NAALAD2: variants seen among roughly 807,000 people sequenced by gnomAD.
NAALAD2 encodes the protein N-acetylated alpha-linked acidic dipeptidase 2, also known as N-acetylated-alpha-linked acidic dipeptidase 2.
NAALAD2 carries 89 observed loss-of-function variants against 95.6 expected under a neutral mutation model. The ratio of observed to expected loss-of-function variants is 0.93; its 90% CI spans 0.78 to 1.11. The LOEUF (loss-of-function observed/expected upper bound fraction) is 1.11, where lower values mean the gene tolerates loss of function less well. Ranked by LOEUF, NAALAD2 falls within the 50% of genes least tolerant of loss-of-function variation. The pLI is 0.00. For synonymous variants in NAALAD2, 264 were observed against 294.4 expected (o/e 0.90, Z 1.06); for missense variants, 894 against 872.4 (o/e 1.02, Z -0.31).
intron 2 of NAALAD2, among the ~76,000 whole-genome samples, chr11:90,136,158 C>T (rs1951449962): frequency 6.6e-6 from 1 of 152,042 alleles, no homozygotes; most frequent in African/African-American, 2.4e-5. Context: ...GAATCATTGC[C>T]ATTCCTCCAG....
intron 2 of NAALAD2, among the ~76,000 whole-genome samples, chr11:90,146,064 A>G (rs1047471024): frequency 6.6e-6 from 1 of 152,102 alleles, no homozygotes; most frequent in African/African-American, 2.4e-5. Context: ...TTTGGATTCC[A>G]GTTCCAGCAT....
At chr11:90,179,934 T>C (rs974907747) in intron 16 of NAALAD2, among the ~76,000 whole-genome samples, 1 of 152,174 alleles carries the variant, frequency 6.6e-6, no homozygotes, top group Non-Finnish European at 1.5e-5. Context: ...ATTATTCTTA[T>C]AGCTTTTCTA....
rs1487766511 is a variant in NAALAD2 at position 90,134,778 on chromosome 11, G to C, written c.20G>C (p.Arg7Pro). The change falls in exon 1 of 19, where the codon CGT (arginine) becomes CCT (proline). Residue 7 changes from arginine (R) to proline (P), a missense_variant. Arg to Pro is a moderately radical substitution (Grantham distance 103, BLOSUM62 -2). Transcript: ENST00000534061. ...GAAGCCATGGCGGAATCCAGGGGCC[G>C]TCTGTACCTTTGGATGTGCTTGGCT... MAESRGRLYLWMCLAAA... is the reference protein window; with the variant it reads MAESRGPLYLWMCLAAA... The C allele has an allele frequency of 1.1e-5, 17 of 1,613,966 alleles. No individual in the cohort carries two copies. Among genetic ancestry groups the C allele is most frequent in the Middle Eastern group, 1.7e-4 (1 of 6,002 alleles).
chr11:90,159,418 G>T (rs979155731), intron 8 of NAALAD2, 81 bp downstream of exon 8: 37 of 1,012,580 alleles, frequency 3.7e-5, no homozygotes, highest in Admixed American at 8.6e-5. Context: ...TCTGCCAGGG[G>T]TATTTTGCTT....
At chr11:90,152,186 T>C (rs1951905448) in intron 5 of NAALAD2, 112 bp from the exon 6 acceptor site, 3 of 952,316 alleles carry the variant, frequency 3.2e-6, no homozygotes, top group Non-Finnish European at 4.4e-6. Context: ...TGTAATTGTA[T>C]GGTAAAAGGC....
intron 6 of NAALAD2, among the ~76,000 whole-genome samples, chr11:90,155,573 T>A (rs796766558): frequency 1.1e-5 from 1 of 87,992 alleles, no homozygotes; most frequent in East Asian, 3.0e-4. Context: ...ATATAATATA[T>A]AATATATATG....
Position 90,159,228 on chromosome 11 carries a change from T to C in NAALAD2, c.891-11T>C, listed in dbSNP as rs764388660. 1.2e-6 allele frequency: 2 copies of C among 1,602,036 alleles called. No homozygotes were observed. Among genetic ancestry groups the C allele is most frequent in the African/African-American group, 1.3e-5 (1 of 74,626 alleles). On this transcript the variant is annotated splice_polypyrimidine_tract_variant and intron_variant, in intron 7 of 18. Coordinates refer to ENST00000534061, the MANE Select transcript of NAALAD2 (RefSeq NM_005467.4). ...TAGCCTTTTTCTGTCACTTTCATTT[T>C]ATTTTGTCAGCTACTTGGGAGGAAT...
At chr11:90,155,849 A>ATAT (rs1565523942) in intron 6 of NAALAD2, among the ~76,000 whole-genome samples, 20 of 141,338 alleles carry the variant, frequency 1.4e-4, no homozygotes, top group Non-Finnish European at 2.4e-4. Context: ...TATATGTTAT[A>ATAT]TATATTATAT....
intron 11 of NAALAD2, among the ~76,000 whole-genome samples, chr11:90,165,055 G>A (rs1391431772): frequency 1.3e-5 from 2 of 152,076 alleles, no homozygotes; most frequent in African/African-American, 4.8e-5. Context: ...CCACTTATAA[G>A]TGAGAACATG....
intron 11 of NAALAD2, among the ~76,000 whole-genome samples, chr11:90,167,434 G>A (rs1020291985): frequency 1.2e-4 from 18 of 152,114 alleles, no homozygotes; most frequent in African/African-American, 3.6e-4. Flanking sequence ...CGCCCCCGCC[G>A]CGGCCGCTGC....
chr11:90,191,829 G>C lies in NAALAD2; in HGVS notation c.*82G>C. The stretch of plus-strand genomic sequence containing the variant: ...ACCTTTCTGATAACTTATGAAGCCA[G>C]GGTGTTCTAAACTCTTTTCATGTCA... On this transcript the variant is annotated 3_prime_UTR_variant, in exon 19 of 19. Coordinates refer to ENST00000534061, the MANE Select transcript of NAALAD2 (RefSeq NM_005467.4). The C allele has an allele frequency of 4.4e-6, 5 of 1,148,572 alleles. No homozygotes were observed. The highest frequency in any genetic ancestry group is 4.7e-6 in the Non-Finnish European group (4 of 851,770). The allele number at this position is 1,148,572 out of a possible 1,614,324, so 71.1% of individuals were successfully genotyped here. A position where few individuals can be genotyped will look rare whatever the true frequency, so the allele number is the denominator to read the frequency against.
Position 90,191,843 on chromosome 11 carries a change from CTT to C in NAALAD2, c.*99_*100del, listed in dbSNP as rs1857338064. 2.2e-6 allele frequency: 2 copies of C among 928,420 alleles called. No individual in the cohort carries two copies. The highest frequency in any genetic ancestry group is 6.7e-5 in the South Asian group (2 of 29,676). The allele number at this position is 928,420 out of a possible 1,614,324, so 57.5% of individuals were successfully genotyped here. A position where few individuals can be genotyped will look rare whatever the true frequency, so the allele number is the denominator to read the frequency against. ...TTATGAAGCCAGGGTGTTCTAAACT[CTT>C]TTCATGTCATGTTTTGATTATAGGC... is the stretch of plus-strand genomic sequence containing the variant. On this transcript the variant is annotated 3_prime_UTR_variant, in exon 19 of 19. Coordinates refer to ENST00000534061, the MANE Select transcript of NAALAD2 (RefSeq NM_005467.4).
chr11:90,152,540 A>T, intron 6 of NAALAD2, 56 bp downstream of exon 6: 11 of 1,368,604 alleles, frequency 8.0e-6, no homozygotes, highest in Non-Finnish European at 1.1e-5. Context: ...TTGCCCTTTT[A>T]GAAGGAATAC....
intron 1 of NAALAD2, chr11:90,135,229 C>A (rs749117707): frequency 2.4e-5 from 7 of 293,004 alleles, no homozygotes; most frequent in African/African-American, 1.3e-4. Context: ...CTGCTCTATA[C>A]GTAAATAAAT....
At chr11:90,153,755 T>C (rs1422080386) in intron 6 of NAALAD2, among the ~76,000 whole-genome samples, 3 of 152,100 alleles carry the variant, frequency 2.0e-5, no homozygotes, top group East Asian at 1.9e-4. Context: ...AGTTTCACTG[T>C]ATGAATCACA....
At chr11:90,170,289 C>A (rs531807199) in intron 13 of NAALAD2, among the ~76,000 whole-genome samples, 153 bp downstream of exon 13, 2 of 152,116 alleles carry the variant, frequency 1.3e-5, no homozygotes, top group African/African-American at 4.8e-5. Flanking sequence ...ATGCCATTTA[C>A]CTATATGACA....
chr11:90,176,024 G>C lies in NAALAD2; in HGVS notation c.1555G>C (p.Gly519Arg). 6.2e-7 allele frequency: 1 copy of C among 1,613,390 alleles called. No homozygotes were observed. The highest frequency in any genetic ancestry group is 1.3e-5 in the African/African-American group (1 of 74,894). Residue 519 changes from glycine to arginine, a missense_variant, in exon 15 of 19, where the codon GGA (glycine) becomes CGA (arginine). Coordinates refer to ENST00000534061, the MANE Select transcript of NAALAD2 (RefSeq NM_005467.4). ...SDFEAYFQRLGIASGRARYTK... is the reference protein window; with the variant it reads ...SDFEAYFQRLRIASGRARYTK... ...CTTTGAAGCTTATTTTCAGAGACTT[G>C]GAATTGCTTCAGGCAGAGCCCGTTA...
At chr11:90,137,770 A>AT (rs373928897) in intron 2 of NAALAD2, among the ~76,000 whole-genome samples, 2 of 151,892 alleles carry the variant, frequency 1.3e-5, no homozygotes, top group Admixed American at 6.6e-5. Context: ...CACCCAGCTA[A>AT]TTTTTTTATT....
chr11:90,165,884 A>G (rs1952427611), intron 11 of NAALAD2, among the ~76,000 whole-genome samples: 1 of 152,206 alleles, frequency 6.6e-6, no homozygotes, highest in East Asian at 1.9e-4. Context: ...AAAGAAATCT[A>G]ATATATAAAA....
Sources: allele counts gnomAD v4.1 joint callset (sites outside exome capture counted in the v4.1 genomes callset), GRCh38; gene constraint gnomAD v4.1.1; transcripts MANE v1.5; gene names NCBI Gene and HGNC (gene_info 2026-07-23, HGNC 2026-07-21).